TBC1D2B: variants seen among roughly 807,000 people sequenced by gnomAD.
TBC1D2B encodes the protein TBC1 domain family member 2B, also known as TBC1 domain family, member 2B.
Under a neutral mutation model 100.8 loss-of-function variants are expected in TBC1D2B, and 64 were observed. The ratio of observed to expected loss-of-function variants is 0.64; its 90% CI spans 0.52 to 0.78. TBC1D2B has a LOEUF of 0.78. Among genes scored for constraint, TBC1D2B ranks in the 30% least tolerant of loss-of-function variants. The probability of loss-of-function intolerance (pLI) is 0.00; values close to 1 mark genes in which losing one functional copy is unlikely to be tolerated. For missense variants in TBC1D2B, 1,052 were observed against 1,218.4 expected, an observed-to-expected ratio of 0.86 and a Z score of 2.03; for synonymous variants, 480 against 479.7, an observed-to-expected ratio of 1.00 and a Z score of -0.01.
chr15:78,035,414 C>G (rs923595718), intron 3 of TBC1D2B, among the ~76,000 whole-genome samples: 1 of 152,202 alleles, frequency 6.6e-6, no homozygotes, highest in Non-Finnish European at 1.5e-5. Flanking sequence ...CTCCACAAAC[C>G]GCCTGCACAG....
intron 1 of TBC1D2B, among the ~76,000 whole-genome samples, chr15:78,058,179 A>G (rs558235135): frequency 6.6e-6 from 1 of 152,364 alleles, no homozygotes; most frequent in East Asian, 1.9e-4. Context: ...TGTGGCTCAC[A>G]TCTTATCTTT....
intron 3 of TBC1D2B, among the ~76,000 whole-genome samples, chr15:78,040,159 A>G (rs898089268): frequency 2.0e-5 from 3 of 152,122 alleles, no homozygotes; most frequent in Non-Finnish European, 4.4e-5. Flanking sequence ...TTGCTTGCGC[A>G]CTCCCACCCC....
intron 6 of TBC1D2B, among the ~76,000 whole-genome samples, chr15:78,022,027 T>C (rs2072529477): frequency 6.6e-6 from 1 of 152,186 alleles, no homozygotes; most frequent in South Asian, 2.1e-4. Flanking sequence ...TATAGTATTG[T>C]TCTACGCACT....
chr15:78,010,154 T>C (rs2141647847), intron 9 of TBC1D2B, among the ~76,000 whole-genome samples: 1 of 152,224 alleles, frequency 6.6e-6, no homozygotes, highest in Admixed American at 6.5e-5. Flanking sequence ...AGGAATAAAA[T>C]GGGCTGCAGA....
intron 1 of TBC1D2B, among the ~76,000 whole-genome samples, chr15:78,056,171 G>C (rs564222524): frequency 6.6e-6 from 1 of 152,342 alleles, no homozygotes; most frequent in East Asian, 1.9e-4. Context: ...TGAATAATCA[G>C]AAAATGATAC....
intron 12 of TBC1D2B, among the ~76,000 whole-genome samples, chr15:78,001,029 A>G (rs1021649225): frequency 2.6e-5 from 4 of 152,168 alleles, no homozygotes; most frequent in Non-Finnish European, 2.9e-5. Context: ...GAAGTCTGCA[A>G]TCACCCTGAC....
intron 11 of TBC1D2B, chr15:78,001,990 G>T: frequency 3.6e-6 from 1 of 276,336 alleles, no homozygotes; most frequent in Non-Finnish European, 6.7e-6. Flanking sequence ...CCTTATAGGA[G>T]ATCTTTGTGG....
At position 78,003,323 on chromosome 15, in the gene TBC1D2B, G is replaced by C. The variant is rs776418164; in HGVS notation, c.2556C>G (p.Phe852Leu). The change falls in exon 11 of 13, where the codon TTC (phenylalanine) becomes TTG (leucine). Residue 852 changes from phenylalanine (F) to leucine (L), a missense_variant. Physicochemically the swap from Phe to Leu is conservative, Grantham distance 22 (BLOSUM62 0). Around this residue, in one of 4 missense-constraint regions of TBC1D2B, gnomAD observed 373 missense variants for 464.9 expected, o/e 0.80. Coordinates refer to ENST00000300584, the MANE Select transcript of TBC1D2B (RefSeq NM_144572.2). ...SDILFKIWDS[F>L]LYEGPKVIFR... ...AACTCACCTTTGGTCCTTCATAAAG[G>C]AAAGAGTCCCATATTTTAAAGAGGA... The C allele has an allele frequency of 6.2e-7, 1 of 1,613,568 alleles. No individual in the cohort carries two copies. The highest frequency in any genetic ancestry group is 8.5e-7 in the Non-Finnish European group (1 of 1,179,796).
intron 10 of TBC1D2B, among the ~76,000 whole-genome samples, chr15:78,008,236 A>C (rs917970946): frequency 2.6e-5 from 4 of 152,244 alleles, no homozygotes. Context: ...GGGCTCTCCC[A>C]GCCCTTATCA....
intron 12 of TBC1D2B, chr15:77,998,761 G>A (rs554295239): frequency 3.4e-5 from 6 of 177,484 alleles, no homozygotes; most frequent in South Asian, 2.6e-4. Flanking sequence ...ATCCTTGGGC[G>A]GGCATGAGGC....
At chr15:78,075,416 T>A (rs1270179849) in intron 1 of TBC1D2B, among the ~76,000 whole-genome samples, 1 of 152,046 alleles carries the variant, frequency 6.6e-6, no homozygotes, top group Non-Finnish European at 1.5e-5. Context: ...GCCAGGATGG[T>A]CTCGAGCTCC....
rs780387999 is a variant in TBC1D2B, at chr15:78,045,064, T to G, written c.519A>C (p.Leu173Phe). Residue 173 changes from leucine to phenylalanine, a missense_variant, in exon 3 of 13, where the codon TTA becomes TTC. Leu to Phe is a conservative substitution (Grantham distance 22). Coordinates refer to ENST00000300584, the MANE Select transcript of TBC1D2B (RefSeq NM_144572.2). ...KGLVARDNTD[L>F]IYPHPNASAE... ...CAGAAGCATTTGGGTGTGGGTAAAT[T>G]AAATCTGAAAAAAAAGGTAAACAAA... is the stretch of plus-strand genomic sequence containing the variant. 2 of 1,590,476 alleles carry G rather than the reference T, an allele frequency of 1.3e-6. No individual in the cohort carries two copies. The highest frequency in any genetic ancestry group is 1.1e-5 in the South Asian group (1 of 88,122).
At chr15:78,053,806 T>G (rs2073364071) in intron 2 of TBC1D2B, 2 of 456,352 alleles carry the variant, frequency 4.4e-6, no homozygotes, top group South Asian at 6.6e-5. Context: ...ACCTTAGTCG[T>G]ATCTTCCATA....
At chr15:78,024,088 G>A (rs2072588154) in intron 6 of TBC1D2B, 68 bp downstream of exon 6, 4 of 1,515,428 alleles carry the variant, frequency 2.6e-6, no homozygotes, top group Non-Finnish European at 3.5e-6. Flanking sequence ...AGCTCACGGA[G>A]GCCAGGCCTC....
chr15:78,008,056 A>G (rs2072115033), intron 10 of TBC1D2B, among the ~76,000 whole-genome samples: 1 of 152,240 alleles, frequency 6.6e-6, no homozygotes, highest in Admixed American at 6.5e-5. Context: ...GCAGGCACAC[A>G]CGGGGACAGC....
chr15:78,028,415 G>A (rs1443179987), intron 4 of TBC1D2B, among the ~76,000 whole-genome samples: 1 of 152,214 alleles, frequency 6.6e-6, no homozygotes, highest in Non-Finnish European at 1.5e-5. Context: ...AGGTTGCAAT[G>A]AGCCGAGATC....
At chr15:78,059,668 G>A (rs1263646177) in intron 1 of TBC1D2B, among the ~76,000 whole-genome samples, 1 of 152,078 alleles carries the variant, frequency 6.6e-6, no homozygotes, top group Non-Finnish European at 1.5e-5. Flanking sequence ...CCCACAAGCT[G>A]CTGTCCCCAG....
rs756659860 is a variant in TBC1D2B, at chr15:78,024,420, AT to A, written c.1205del (p.Asp402ValfsTer25). ...KDTLELLHQK[D>X]DQILGLTSQL... ...GGCTGGTAAGGCCCAGAATCTGATCATCCTTTTGGTGCAGAAGCTCGAGCGT... is the reference window on the plus strand; with the variant it reads ...GGCTGGTAAGGCCCAGAATCTGATCACCTTTTGGTGCAGAAGCTCGAGCGT... On this transcript the variant is annotated frameshift_variant, in exon 6 of 13. Transcript: ENST00000300584. LOFTEE classifies it high-confidence loss of function. The A allele has an allele frequency of 6.2e-7, 1 of 1,614,022 alleles. No homozygotes were observed. Among genetic ancestry groups the A allele is most frequent in the South Asian group, 1.1e-5 (1 of 91,084 alleles).
chr15:78,003,320 A>T lies in TBC1D2B; in HGVS notation c.2559T>A (p.Leu853=), dbSNP rs2071967087. The part of the protein sequence containing the change: ...DILFKIWDSF[L]YEGPKVIFRF... Reference sequence around the variant, plus strand: ...GCTAACTCACCTTTGGTCCTTCATAAAGGAAAGAGTCCCATATTTTAAAGA... The same window carrying T: ...GCTAACTCACCTTTGGTCCTTCATATAGGAAAGAGTCCCATATTTTAAAGA... The change falls in exon 11 of 13, where the codon CTT becomes CTA. Residue 853 remains leucine, a synonymous_variant. Transcript: ENST00000300584. 1 of 1,613,528 alleles carries T rather than the reference A, an allele frequency of 6.2e-7. No homozygotes were observed. The highest frequency in any genetic ancestry group is 1.3e-5 in the African/African-American group (1 of 74,938).
Sources: gnomAD v4.1 joint callset for allele counts (sites outside exome capture counted in the v4.1 genomes callset) on GRCh38, gnomAD v4.1.1 for gene constraint, gnomAD v4.1.1 regional missense constraint, MANE v1.5 for transcripts, NCBI Gene and HGNC (gene_info 2026-07-23, HGNC 2026-07-21) for gene names.